SH3GL2: variants seen among roughly 807,000 people sequenced by gnomAD.
SH3GL2 encodes SH3 domain containing GRB2 like 2, endophilin A1, also known as endophilin-A1.
A neutral mutation model predicts 46.0 loss-of-function variants in SH3GL2; 24 were observed. The observed-to-expected ratio is 0.52, with a 90% CI of 0.38 to 0.73. The LOEUF (loss-of-function observed/expected upper bound fraction) is 0.73, where lower values mean the gene tolerates loss of function less well. Among genes scored for constraint, SH3GL2 ranks in the 30% least tolerant of loss-of-function variants. The pLI, the probability that SH3GL2 is intolerant of heterozygous loss-of-function variation, is 0.00. For synonymous variants in SH3GL2, 196 were observed against 147.1 expected, an observed-to-expected ratio of 1.33 and a Z score of -2.40; for missense variants, 413 against 424.2, an observed-to-expected ratio of 0.97 and a Z score of 0.23.
At chr9:17,609,879 A>C (rs1228031812) in intron 1 of SH3GL2, among the ~76,000 whole-genome samples, 2 of 152,168 alleles carry the variant, frequency 1.3e-5, no homozygotes, top group Admixed American at 6.6e-5. Context: ...AAGACACACC[A>C]CACCTGGGCT....
intron 2 of SH3GL2, among the ~76,000 whole-genome samples, chr9:17,752,260 C>T (rs1588301747): frequency 6.6e-6 from 1 of 152,124 alleles, no homozygotes; most frequent in African/African-American, 2.4e-5. Flanking sequence ...ACACGGTTTT[C>T]ATCATGTCTC....
intron 1 of SH3GL2, among the ~76,000 whole-genome samples, chr9:17,724,785 T>G (rs1292516216): frequency 6.6e-6 from 1 of 152,204 alleles, no homozygotes; most frequent in East Asian, 1.9e-4. Flanking sequence ...TCTCACTCTG[T>G]GTGGCCCCTG....
chr9:17,790,558 C>A (rs61646773), intron 6 of SH3GL2, among the ~76,000 whole-genome samples: 13,866 of 152,182 alleles, frequency 0.091, 1,186 homozygotes, highest in African/African-American at 0.23. Flanking sequence ...TCACAGTGCT[C>A]CTTCCCTGCA....
intron 1 of SH3GL2, among the ~76,000 whole-genome samples, chr9:17,605,176 T>G (rs1588167823): frequency 6.6e-6 from 1 of 151,992 alleles, no homozygotes; most frequent in East Asian, 1.9e-4. Flanking sequence ...ATGGGGTCTT[T>G]CTGTGTTGCC....
chr9:17,644,471 A>T (rs1397239675), intron 1 of SH3GL2, among the ~76,000 whole-genome samples: 4 of 152,188 alleles, frequency 2.6e-5, no homozygotes, highest in Admixed American at 6.5e-5. Flanking sequence ...ATTTAGTGCT[A>T]TAAATTTACC....
At chr9:17,614,295 GAA>G (rs3084628) in intron 1 of SH3GL2, among the ~76,000 whole-genome samples, 1,688 of 70,268 alleles carry the variant, frequency 0.024, 46 homozygotes, top group South Asian at 0.065. Flanking sequence ...CATGGTTTCT[GAA>G]AAAAAAAAAA....
At chr9:17,645,778 G>C (rs974095660) in intron 1 of SH3GL2, among the ~76,000 whole-genome samples, 1 of 152,116 alleles carries the variant, frequency 6.6e-6, no homozygotes, top group African/African-American at 2.4e-5. Flanking sequence ...TGGGTAACCT[G>C]ACCTTTCTCA....
chr9:17,651,885 C>A (rs1819968129), intron 1 of SH3GL2, among the ~76,000 whole-genome samples: 1 of 151,938 alleles, frequency 6.6e-6, no homozygotes, highest in Non-Finnish European at 1.5e-5. Flanking sequence ...TTTAAACTGC[C>A]CAGGGTTTAC....
intron 1 of SH3GL2, among the ~76,000 whole-genome samples, chr9:17,677,981 G>A (rs1820657632): frequency 6.6e-6 from 1 of 152,176 alleles, no homozygotes; most frequent in Admixed American, 6.5e-5. Flanking sequence ...TGGCTGCATA[G>A]TATTCCATGG....
At chr9:17,740,409 G>C (rs1822490632) in intron 1 of SH3GL2, among the ~76,000 whole-genome samples, 1 of 151,720 alleles carries the variant, frequency 6.6e-6, no homozygotes, top group Non-Finnish European at 1.5e-5. Context: ...AATACCAAAA[G>C]AATACTGCTG....
intron 1 of SH3GL2, among the ~76,000 whole-genome samples, chr9:17,584,315 G>GTTTT (rs1250336808): frequency 6.6e-6 from 1 of 152,070 alleles, no homozygotes; most frequent in Non-Finnish European, 1.5e-5. Context: ...GGCTTTGCCA[G>GTTTT]TGCAGTGAAA....
chr9:17,596,805 G>A (rs142542031), intron 1 of SH3GL2, among the ~76,000 whole-genome samples: 2 of 152,274 alleles, frequency 1.3e-5, no homozygotes, highest in East Asian at 1.9e-4. Flanking sequence ...ACCGTGAAAC[G>A]TAGCCTCAGT....
At chr9:17,673,333 T>A (rs560493800) in intron 1 of SH3GL2, among the ~76,000 whole-genome samples, 12 of 151,118 alleles carry the variant, frequency 7.9e-5, no homozygotes, top group African/African-American at 2.9e-4. Context: ...TTTTTTTTTT[T>A]TATAGAGGCG....
chr9:17,584,319 A>G, intron 1 of SH3GL2, among the ~76,000 whole-genome samples: 1 of 152,072 alleles, frequency 6.6e-6, no homozygotes. Flanking sequence ...TTGCCAGTGC[A>G]GTGAAACCTC....
chr9:17,625,083 AG>A (rs1489810205), intron 1 of SH3GL2, among the ~76,000 whole-genome samples: 4 of 151,854 alleles, frequency 2.6e-5, no homozygotes, highest in African/African-American at 9.7e-5. Flanking sequence ...TTTTTTTGGG[AG>A]GGGGCTGGCC....
chr9:17,597,597 A>T (rs1818598006), intron 1 of SH3GL2, among the ~76,000 whole-genome samples: 1 of 152,214 alleles, frequency 6.6e-6, no homozygotes, highest in South Asian at 2.1e-4. Flanking sequence ...TTACTTATGT[A>T]TTCTGTATTA....
chr9:17,725,419 G>A (rs889650151), intron 1 of SH3GL2, among the ~76,000 whole-genome samples: 2 of 152,014 alleles, frequency 1.3e-5, no homozygotes, highest in East Asian at 1.9e-4. Context: ...AAGCTACCAG[G>A]CCCTGCATAA....
chr9:17,730,405 C>T (rs1160043384), intron 1 of SH3GL2, among the ~76,000 whole-genome samples: 1 of 152,102 alleles, frequency 6.6e-6, no homozygotes, highest in Non-Finnish European at 1.5e-5. Context: ...CGTTTGCAGG[C>T]AGAGACAGTT....
chr9:17,615,537 C>G (rs947416806), intron 1 of SH3GL2, among the ~76,000 whole-genome samples: 1 of 151,776 alleles, frequency 6.6e-6, no homozygotes, highest in Non-Finnish European at 1.5e-5. Context: ...CGCCTGTAAT[C>G]CCAGCTACTC....
Sources: allele counts gnomAD v4.1 joint callset (sites outside exome capture counted in the v4.1 genomes callset), GRCh38; gene constraint gnomAD v4.1.1; transcripts MANE v1.5; gene names NCBI Gene and HGNC (gene_info 2026-07-23, HGNC 2026-07-21).